ZHX2: variants seen among roughly 807,000 people sequenced by gnomAD.
ZHX2 encodes zinc fingers and homeoboxes 2, also known as zinc fingers and homeoboxes protein 2.
In ZHX2, 6 loss-of-function variants were observed where a neutral mutation model predicts 21.9. That is an observed-to-expected ratio of 0.27 (90% CI 0.15 to 0.54). The LOEUF (loss-of-function observed/expected upper bound fraction) is 0.54. Ranked by LOEUF, ZHX2 falls within the 20% of genes least tolerant of loss-of-function variation. The pLI, the probability that ZHX2 is intolerant of heterozygous loss-of-function variation, is 0.95. For synonymous variants in ZHX2, 434 were observed against 437.1 expected, an observed-to-expected ratio of 0.99 and a Z score of 0.09; for missense variants, 908 against 1,090.7, an observed-to-expected ratio of 0.83 and a Z score of 2.36.
chr8:122,952,279 A>C lies in ZHX2; in HGVS notation c.769A>C (p.Lys257Gln), dbSNP rs1813141806. The change falls in exon 3 of 4, where the codon AAG (lysine) becomes CAG (glutamine). Residue 257 changes from lysine to glutamine, a missense_variant. This residue lies in a region of ZHX2 where 232 missense variants were observed against 361.8 expected (regional missense o/e 0.64). Transcript: ENST00000314393. The surrounding 1 kb of genome is among the most constrained non-coding windows in gnomAD (Gnocchi z 6.9). ...QLPPNINLVPKVPVPLNTTKY... is the reference protein window; with the variant it reads ...QLPPNINLVPQVPVPLNTTKY... ...GCCACCAAATATCAACCTTGTGCCC[A>C]AGGTCCCTGTCCCACTAAATACTAC... is the stretch of plus-strand genomic sequence containing the variant. The C allele has an allele frequency of 1.9e-6, 3 of 1,614,080 alleles. No homozygotes were observed. The highest frequency in any genetic ancestry group is 1.1e-5 in the South Asian group (1 of 91,070).
In ZHX2 at chr8:122,804,178, G is replaced by A. The variant is rs978666722; in HGVS notation, c.-283+22232G>A. ...GGCTGCAGTGCAGTGGCACCATCTC[G>A]GCTTGCTGCAACCTCCGCCTCCTGG... On this transcript the variant is annotated intron_variant, in intron 1 of 3. Transcript: ENST00000314393. Among the ~76,000 whole-genome samples the A allele has an allele frequency of 7.9e-5, 12 of 152,164 alleles. No homozygotes were observed. The East Asian group carries it at 1.4e-3, about 17-fold the overall frequency.
rs1426079652 is a variant in ZHX2, at chr8:122,865,130, T to C, written c.-220+1591T>C. Among the ~76,000 whole-genome samples, 4 of 150,258 alleles carry C rather than the reference T, an allele frequency of 2.7e-5. No individual in the cohort carries two copies. In the East Asian group the frequency reaches 5.9e-4, roughly 22 times the overall value. The stretch of plus-strand genomic sequence containing the variant: ...GAGGACTGAACTGTGACTTGGCAAG[T>C]CTTTTTTTTTTTTTTGGAGACAGAG... On this transcript the variant is annotated intron_variant, in intron 2 of 3. Coordinates refer to ENST00000314393, the MANE Select transcript of ZHX2 (RefSeq NM_014943.5).
At position 122,971,611 on chromosome 8, in the gene ZHX2, C is replaced by CAAAAAAAAAAAA. The variant is rs56331425; in HGVS notation, c.*5-1621_*5-1610dup. Reference sequence around the variant, plus strand: ...ACTCTCCTTGCTGTTGGCCCCTGTACAAAAAAAAAAAAAAAAAAAAATTCC... The same window carrying CAAAAAAAAAAAA: ...ACTCTCCTTGCTGTTGGCCCCTGTACAAAAAAAAAAAAAAAAAAAAAAAAAAAAAAAAATTCC... On this transcript the variant is annotated intron_variant, in intron 3 of 3. Coordinates refer to ENST00000314393, the MANE Select transcript of ZHX2 (RefSeq NM_014943.5). 6.4e-3 allele frequency among the ~76,000 whole-genome samples: 520 copies of CAAAAAAAAAAAA among 81,744 alleles called. 24 individuals carry two copies. The highest frequency in any genetic ancestry group is 0.02 in the African/African-American group (433 of 21,448). The allele number at this position is 81,744 out of a possible 152,430, so 53.6% of individuals were successfully genotyped here. A position where few individuals can be genotyped will look rare whatever the true frequency, so the allele number is the denominator to read the frequency against.
intron 1 of ZHX2, among the ~76,000 whole-genome samples, chr8:122,806,239 G>A (rs148868419): frequency 6.6e-6 from 1 of 152,324 alleles, no homozygotes; most frequent in East Asian, 1.9e-4. Context: ...CTTCCTAATT[G>A]TGGGGCTTAG....
chr8:122,864,643 C>CA (rs1819243675), intron 2 of ZHX2, among the ~76,000 whole-genome samples: 1 of 152,124 alleles, frequency 6.6e-6, no homozygotes, highest in Non-Finnish European at 1.5e-5. Flanking sequence ...CCCACCCCCC[C>CA]ACTCCCCAGG....
intron 1 of ZHX2, among the ~76,000 whole-genome samples, chr8:122,788,244 C>T (rs1817438582): frequency 6.6e-6 from 1 of 152,188 alleles, no homozygotes; most frequent in African/African-American, 2.4e-5. Flanking sequence ...TTGAGAGTGG[C>T]AGTGTAATTC....
intron 1 of ZHX2, among the ~76,000 whole-genome samples, chr8:122,848,678 T>A (rs1818812328): frequency 6.6e-6 from 1 of 152,168 alleles, no homozygotes; most frequent in South Asian, 2.1e-4. Context: ...CCATATTTGC[T>A]TTTCATCCAG....
In ZHX2 at chr8:122,919,379, A is replaced by G. The variant is rs1475346759; in HGVS notation, c.-219-31913A>G. Among the ~76,000 whole-genome samples, 3 of 152,100 alleles carry G rather than the reference A, an allele frequency of 2.0e-5. No homozygotes were observed. The East Asian group carries it at 5.8e-4, about 29-fold the overall frequency. ...TGGGGAAGGGAGTGGTTCTCAGTCTATTTTTTCTGCTCCAACACATGGTGG... is the reference window on the plus strand; with the variant it reads ...TGGGGAAGGGAGTGGTTCTCAGTCTGTTTTTTCTGCTCCAACACATGGTGG... On this transcript the variant is annotated intron_variant, in intron 2 of 3. Transcript: ENST00000314393.
chr8:122,880,202 G>C (rs2129777716), intron 2 of ZHX2, among the ~76,000 whole-genome samples: 1 of 151,934 alleles, frequency 6.6e-6, no homozygotes, highest in East Asian at 2.0e-4. Context: ...TCAAACTTGT[G>C]ACCTCAGGGG....
chr8:122,804,410 C>T (rs1817784749), intron 1 of ZHX2, among the ~76,000 whole-genome samples: 1 of 152,186 alleles, frequency 6.6e-6, no homozygotes, highest in African/African-American at 2.4e-5. Flanking sequence ...CGCCCGGCCC[C>T]ATTTATTCAG....
chr8:122,921,189 C>T (rs1443224332), intron 2 of ZHX2, among the ~76,000 whole-genome samples: 1 of 152,148 alleles, frequency 6.6e-6, no homozygotes, highest in African/African-American at 2.4e-5. Flanking sequence ...TCAAGTGATT[C>T]TCCTGCCTCA....
At chr8:122,803,522 G>A (rs978185105) in intron 1 of ZHX2, among the ~76,000 whole-genome samples, 1 of 152,180 alleles carries the variant, frequency 6.6e-6, no homozygotes, top group Non-Finnish European at 1.5e-5. Flanking sequence ...TAGGGTATTT[G>A]GCGGCATCCC....
At chr8:122,860,219 A>G (rs910007350) in intron 1 of ZHX2, among the ~76,000 whole-genome samples, 2 of 152,200 alleles carry the variant, frequency 1.3e-5, no homozygotes, top group Admixed American at 6.5e-5. Flanking sequence ...CTATCATGAG[A>G]ACAGCATGGG....
chr8:122,861,107 G>C (rs1396329703), intron 1 of ZHX2, among the ~76,000 whole-genome samples: 2 of 151,184 alleles, frequency 1.3e-5, no homozygotes, highest in Non-Finnish European at 2.9e-5. Context: ...CAAATATCAG[G>C]GAGAAGTGAG....
chr8:122,897,989 C>T (rs1020005775), intron 2 of ZHX2, among the ~76,000 whole-genome samples: 17 of 152,188 alleles, frequency 1.1e-4, no homozygotes, highest in African/African-American at 3.4e-4. Flanking sequence ...CCGCTCCATT[C>T]GAGTGAATGA....
chr8:122,796,556 G>A (rs17286929), intron 1 of ZHX2, among the ~76,000 whole-genome samples: 10,284 of 152,288 alleles, frequency 0.068, 483 homozygotes, highest in Middle Eastern at 0.13. Flanking sequence ...AGACCATTCT[G>A]TAACAACTGT....
chr8:122,819,981 C>G (rs944479697), intron 1 of ZHX2, among the ~76,000 whole-genome samples: 2 of 152,036 alleles, frequency 1.3e-5, no homozygotes, highest in Admixed American at 1.3e-4. Context: ...TAGCTAAAGG[C>G]GTCCATAAAT....
At position 122,859,989 on chromosome 8, in the gene ZHX2, T is replaced by C. The variant is rs555716105; in HGVS notation, c.-282-3488T>C. On this transcript the variant is annotated intron_variant, in intron 1 of 3. Coordinates refer to ENST00000314393, the MANE Select transcript of ZHX2 (RefSeq NM_014943.5). ...CATTAGTACCTGTATCAGTCCATTT[T>C]CACACTGCTATAAAGAACTGCCTAA... Among the ~76,000 whole-genome samples the C allele has an allele frequency of 3.9e-5, 6 of 152,362 alleles. No homozygotes were observed. The East Asian group carries it at 1.2e-3, about 29-fold the overall frequency.
intron 2 of ZHX2, among the ~76,000 whole-genome samples, chr8:122,938,263 A>G (rs1435148130): frequency 6.6e-6 from 1 of 151,934 alleles, no homozygotes; most frequent in Non-Finnish European, 1.5e-5. Flanking sequence ...AATTATTCTG[A>G]CTTTGTTAAG....
Sources: allele counts gnomAD v4.1 joint callset (sites outside exome capture counted in the v4.1 genomes callset), GRCh38; gene constraint gnomAD v4.1.1; regional missense constraint gnomAD v4.1.1; non-coding constraint Gnocchi (gnomAD v3.1); transcripts MANE v1.5; gene names NCBI Gene and HGNC (gene_info 2026-07-23, HGNC 2026-07-21).